The following TRAPPC3L variants were observed in gnomAD, a reference collection of about 807,000 sequenced individuals.
The protein encoded by TRAPPC3L is trafficking protein particle complex subunit 3L.
TRAPPC3L carries 23 observed loss-of-function variants against 23.7 expected under a neutral mutation model. The observed-to-expected ratio is 0.97, with a 90% confidence interval of 0.70 to 1.37. The LOEUF (loss-of-function observed/expected upper bound fraction) is 1.37, where lower values mean the gene tolerates loss of function less well. Among genes scored for constraint, TRAPPC3L ranks in the 40% most tolerant of loss-of-function variants. TRAPPC3L has a pLI of 0.00. For missense variants in TRAPPC3L, 212 were observed against 216.8 expected, an observed-to-expected ratio of 0.98 and a Z score of 0.14; for synonymous variants, 81 against 77.9, an observed-to-expected ratio of 1.04 and a Z score of -0.21.
At chr6:116,524,147 A>G (rs989361555) in intron 3 of TRAPPC3L, 11 of 144,294 alleles carry the variant, frequency 7.6e-5, no homozygotes, top group African/African-American at 2.6e-4. Flanking sequence ...CATGATGTCT[A>G]GAAGTTTCTT....
At chr6:116,516,261 C>T in intron 3 of TRAPPC3L, 1 of 320,118 alleles carries the variant, frequency 3.1e-6, no homozygotes, top group Non-Finnish European at 5.7e-6. Flanking sequence ...TTTTATCATT[C>T]AACAGACAGA....
chr6:116,511,723 A>T, intron 3 of TRAPPC3L: 1 of 1,613,700 alleles, frequency 6.2e-7, no homozygotes, highest in Non-Finnish European at 8.5e-7. Context: ...GCATTTTAAA[A>T]TTCTTCCTTA....
chr6:116,537,782 C>T (rs974043914), intron 3 of TRAPPC3L, among the ~76,000 whole-genome samples: 2 of 152,218 alleles, frequency 1.3e-5, no homozygotes, highest in African/African-American at 4.8e-5. Context: ...TTGATTCCTT[C>T]TTTCTCCTTC....
chr6:116,524,811 A>G (rs1772415620), intron 3 of TRAPPC3L: 1 of 152,190 alleles, frequency 6.6e-6, no homozygotes, highest in Admixed American at 6.5e-5. Flanking sequence ...TCTGTGCTAT[A>G]TCATTTTCAA....
chr6:116,496,888 A>T lies in TRAPPC3L; in HGVS notation c.*66T>A, dbSNP rs1028661368. 1.9e-5 allele frequency: 28 copies of T among 1,458,310 alleles called. No individual in the cohort carries two copies. The highest frequency in any genetic ancestry group is 2.5e-5 in the Non-Finnish European group (28 of 1,111,546). The allele number at this position is 1,458,310 out of a possible 1,614,324, so 90.3% of individuals were successfully genotyped here. On this transcript the variant is annotated 3_prime_UTR_variant, in exon 5 of 5. Coordinates refer to ENST00000368602, the MANE Select transcript of TRAPPC3L (RefSeq NM_001139444.3). ...TGCTATGAAGCAATTCAAAATTTCT[A>T]TGTCTATACATGTTTAGCTAACATT...
chr6:116,533,704 C>T (rs575284071), intron 3 of TRAPPC3L, among the ~76,000 whole-genome samples: 78 of 152,304 alleles, frequency 5.1e-4, no homozygotes, highest in African/African-American at 1.6e-3. Context: ...AGACATTTCT[C>T]CTTGGCCAGA....
chr6:116,503,253 C>A (rs1771948278), intron 3 of TRAPPC3L, among the ~76,000 whole-genome samples: 1 of 151,640 alleles, frequency 6.6e-6, no homozygotes, highest in Non-Finnish European at 1.5e-5. Flanking sequence ...GACTTTAAAC[C>A]AACAAAGATC....
rs528055304 is a variant in TRAPPC3L, at chr6:116,526,294, A to G, written c.240+14069T>C. On this transcript the variant is annotated intron_variant, in intron 3 of 4. Transcript: ENST00000368602. ...TTTTTATTTTATTTGAAGCATGTAA[A>G]AGACATAAAAAGAGAGGTAACTAGG... Among the ~76,000 whole-genome samples the G allele has an allele frequency of 9.8e-5, 15 of 152,302 alleles. No individual in the cohort carries two copies. In the South Asian group the frequency reaches 3.1e-3, roughly 32 times the overall value.
chr6:116,530,902 CAT>C (rs10557481), intron 3 of TRAPPC3L, among the ~76,000 whole-genome samples: 8,234 of 75,744 alleles, frequency 0.11, 307 homozygotes, highest in East Asian at 0.16. Flanking sequence ...AAGTGAGACT[CAT>C]ATATATATAT....
chr6:116,545,434 C>A (rs1003543365), intron 1 of TRAPPC3L, 39 bp downstream of exon 1: 3 of 1,503,392 alleles, frequency 2.0e-6, no homozygotes, highest in Non-Finnish European at 1.8e-6. Flanking sequence ...AAAACATTTT[C>A]TCTGAAGTAG....
chr6:116,525,528 T>C (rs1772428294), intron 3 of TRAPPC3L, among the ~76,000 whole-genome samples: 1 of 152,222 alleles, frequency 6.6e-6, no homozygotes, highest in African/African-American at 2.4e-5. Context: ...TTAATTTTTA[T>C]ATATTTTAGA....
At chr6:116,532,170 G>A (rs973661819) in intron 3 of TRAPPC3L, among the ~76,000 whole-genome samples, 2 of 152,198 alleles carry the variant, frequency 1.3e-5, no homozygotes, top group Non-Finnish European at 2.9e-5. Context: ...TTCATTTAAA[G>A]ACAAATGTGG....
chr6:116,543,779 T>C (rs1773604160), intron 1 of TRAPPC3L: 1 of 1,510,222 alleles, frequency 6.6e-7, no homozygotes, highest in Non-Finnish European at 8.9e-7. Flanking sequence ...AAGCAAGAAT[T>C]GGATAAGACT....
At chr6:116,536,557 C>T (rs1245187679) in intron 3 of TRAPPC3L, among the ~76,000 whole-genome samples, 1 of 152,178 alleles carries the variant, frequency 6.6e-6, no homozygotes, top group Non-Finnish European at 1.5e-5. Context: ...AGGGAGGGAT[C>T]ACTTCTCCTG....
chr6:116,496,757 T>G lies in TRAPPC3L; in HGVS notation c.*197A>C. The G allele has an allele frequency of 4.5e-6, 3 of 664,632 alleles. No individual in the cohort carries two copies. The highest frequency in any genetic ancestry group is 6.8e-6 in the Non-Finnish European group (3 of 439,160). 41.2% of individuals were successfully genotyped at this position (664,632 alleles called of 1,614,324 possible). A position where few individuals can be genotyped will look rare whatever the true frequency, so the allele number is the denominator to read the frequency against. ...ATTTGCATATGAAATTTTGTGGACA[T>G]GAGATTGAAAATGCGTGATTTATAA... On this transcript the variant is annotated 3_prime_UTR_variant, in exon 5 of 5. Coordinates refer to ENST00000368602, the MANE Select transcript of TRAPPC3L (RefSeq NM_001139444.3).
intron 3 of TRAPPC3L, 55 bp from the exon 4 acceptor site, chr6:116,500,721 G>A: frequency 1.4e-6 from 2 of 1,468,026 alleles, no homozygotes; most frequent in Admixed American, 2.0e-5. Context: ...ATAACTATGA[G>A]CAGACTAAAC....
chr6:116,539,738 GAC>G (rs1295636955), intron 3 of TRAPPC3L, among the ~76,000 whole-genome samples: 1 of 152,116 alleles, frequency 6.6e-6, no homozygotes, highest in Non-Finnish European at 1.5e-5. Flanking sequence ...TAAACCTGGA[GAC>G]ACGCGTATCT....
At chr6:116,543,872 T>A in intron 1 of TRAPPC3L, 1 of 1,532,248 alleles carries the variant, frequency 6.5e-7, no homozygotes, top group South Asian at 1.2e-5. Flanking sequence ...GCAGCAAATT[T>A]GTGAGTTTCT....
At chr6:116,514,986 C>A (rs1221119492) in intron 3 of TRAPPC3L, among the ~76,000 whole-genome samples, 1 of 152,068 alleles carries the variant, frequency 6.6e-6, no homozygotes, top group East Asian at 1.9e-4. Flanking sequence ...AAAGCTGAAC[C>A]ATTTCATATT....
Sources: gnomAD v4.1 joint callset for allele counts (sites outside exome capture counted in the v4.1 genomes callset) on GRCh38, gnomAD v4.1.1 for gene constraint, MANE v1.5 for transcripts, NCBI Gene and HGNC (gene_info 2026-07-23, HGNC 2026-07-21) for gene names.